The following PRRG2 variants were observed in gnomAD, a reference collection of about 807,000 sequenced individuals.
PRRG2 encodes the protein proline rich and Gla domain 2, also known as transmembrane gamma-carboxyglutamic acid protein 2.
In PRRG2, 23 loss-of-function variants were observed where a neutral mutation model predicts 27.1. That is an observed-to-expected ratio of 0.85 (90% CI 0.61 to 1.20). The LOEUF is 1.20. PRRG2 is among the 50% of genes most tolerant of loss of function. The pLI is 0.00. For missense variants in PRRG2, 276 were observed against 254.8 expected (o/e 1.08, Z -0.57); for synonymous variants, 104 against 103.4 (o/e 1.01, Z -0.03).
At chr19:49,585,841 A>G (rs964178733) in intron 4 of PRRG2, among the ~76,000 whole-genome samples, 4 of 151,918 alleles carry the variant, frequency 2.6e-5, no homozygotes, top group African/African-American at 9.7e-5. Flanking sequence ...GCACTTTGGG[A>G]GGCCGAGGCA....
chr19:49,585,752 G>A (rs1281275765), intron 4 of PRRG2, among the ~76,000 whole-genome samples: 3 of 151,832 alleles, frequency 2.0e-5, no homozygotes, highest in South Asian at 2.1e-4. Flanking sequence ...AGCAGAGATC[G>A]CACCATTGCA....
chr19:49,584,806 C>T (rs1260014426), intron 4 of PRRG2, among the ~76,000 whole-genome samples: 1 of 152,188 alleles, frequency 6.6e-6, no homozygotes, highest in East Asian at 1.9e-4. Context: ...GGAAAAGTGT[C>T]AGTGGAGGGA....
chr19:49,582,916 A>G (rs1254917108), intron 1 of PRRG2, among the ~76,000 whole-genome samples: 1 of 151,912 alleles, frequency 6.6e-6, no homozygotes, highest in Non-Finnish European at 1.5e-5. Context: ...CTGTAATCCC[A>G]GCTACTTGGT....
intron 5 of PRRG2, among the ~76,000 whole-genome samples, chr19:49,589,228 A>G (rs1411363589): frequency 6.7e-6 from 1 of 150,140 alleles, no homozygotes; most frequent in South Asian, 2.1e-4. Context: ...CCCGGGTTCA[A>G]GTGATTCTCC....
chr19:49,583,476 C>T, intron 2 of PRRG2, 66 bp from the exon 3 acceptor site: 1 of 1,571,404 alleles, frequency 6.4e-7, no homozygotes, highest in Non-Finnish European at 8.7e-7. Flanking sequence ...CCACTGCTTT[C>T]CATCCCCCTA....
rs2080646358 is a variant in PRRG2 at position 49,583,681 on chromosome 19, A to G, written c.225A>G (p.Glu75=). 6.2e-7 allele frequency: 1 copy of G among 1,614,170 alleles called. No individual in the cohort carries two copies. Among genetic ancestry groups the G allele is most frequent in the African/African-American group, 1.3e-5 (1 of 75,052 alleles). Reference sequence around the variant, plus strand: ...GTCTGGAAGAGAGGTGTTCCTGGGAAGAGGCCAGGGAGTATTTTGAGGACA... The same window carrying G: ...GTCTGGAAGAGAGGTGTTCCTGGGAGGAGGCCAGGGAGTATTTTGAGGACA... The part of the protein sequence containing the change: ...RECLEERCSW[E]EAREYFEDNT... Residue 75 remains glutamate (E), a synonymous_variant, in exon 3 of 7, where the codon GAA becomes GAG. Coordinates refer to ENST00000246794, the MANE Select transcript of PRRG2 (RefSeq NM_000951.3).
chr19:49,583,296 C>G lies in PRRG2; in HGVS notation c.77C>G (p.Thr26Arg), dbSNP rs2080642380. Residue 26 changes from threonine (T) to arginine (R), a missense_variant, in exon 2 of 7, where the codon ACA (threonine) becomes AGA (arginine). Transcript: ENST00000246794. ...CTGGATACTTCACCCAGTGAGGAGA[C>G]AGACCAAGGTGAGTGTTTGGGGGAA... ...TCLDTSPSEE[T>R]DQEVFLGPPE... 2 of 1,614,068 alleles carry G rather than the reference C, an allele frequency of 1.2e-6. No individual in the cohort carries two copies. The highest frequency in any genetic ancestry group is 1.3e-5 in the African/African-American group (1 of 75,050).
rs2080712546 is a variant in PRRG2, at chr19:49,590,482, C to T, written c.*93C>T. ...AGGCCTCATAGACGCCGAAGCTGGA[C>T]TTGGAGTGGGGAATGGTGGGAGTAG... On this transcript the variant is annotated 3_prime_UTR_variant, in exon 7 of 7. Transcript: ENST00000246794. 5.8e-6 allele frequency: 9 copies of T among 1,561,064 alleles called. No homozygotes were observed. In the South Asian group the frequency reaches 6.7e-5, roughly 12 times the overall value.
At chr19:49,590,315 A>AG (rs1276858996) in intron 6 of PRRG2, 56 bp from the exon 7 acceptor site, 1 of 1,612,874 alleles carries the variant, frequency 6.2e-7, no homozygotes, top group Non-Finnish European at 8.5e-7. Context: ...TCCTGGTTGA[A>AG]GGGGGGAGAA....
intron 6 of PRRG2, 136 bp from the exon 7 acceptor site, chr19:49,590,235 C>A: frequency 3.4e-6 from 5 of 1,457,808 alleles, no homozygotes; most frequent in Non-Finnish European, 4.8e-6. Flanking sequence ...TGTGTGGAGC[C>A]GTATAGGAGG....
At chr19:49,586,577 G>C (rs547212947) in intron 4 of PRRG2, among the ~76,000 whole-genome samples, 1 of 152,214 alleles carries the variant, frequency 6.6e-6, no homozygotes, top group Non-Finnish European at 1.5e-5. Context: ...TTCCAGCTGG[G>C]TGAGGTGGCT....
chr19:49,584,026 C>A, intron 4 of PRRG2, 74 bp downstream of exon 4: 1 of 1,429,720 alleles, frequency 7.0e-7, no homozygotes, highest in Admixed American at 2.1e-5. Flanking sequence ...AAACCAACGT[C>A]CTCCACCCCA....
rs916705532 is a variant in PRRG2, at chr19:49,590,088, A to G, written c.590+36A>G. On this transcript the variant is annotated intron_variant, in intron 6 of 6. Coordinates refer to ENST00000246794, the MANE Select transcript of PRRG2 (RefSeq NM_000951.3). ...TGGCTTCTGCCCGGGGGCGGGGCGC[A>G]GAGGGGTGGGCACGTTGGAGGAGGA... 9 of 1,446,090 alleles carry G rather than the reference A, an allele frequency of 6.2e-6. No homozygotes were observed. The African/African-American group carries it at 8.6e-5, about 14-fold the overall frequency. The allele number at this position is 1,446,090 out of a possible 1,614,324, so 89.6% of individuals were successfully genotyped here. A position where few individuals can be genotyped will look rare whatever the true frequency, so the allele number is the denominator to read the frequency against.
chr19:49,583,291 G>T lies in PRRG2; in HGVS notation c.72G>T (p.Glu24Asp). 1.2e-6 allele frequency: 2 copies of T among 1,614,108 alleles called. No homozygotes were observed. Among genetic ancestry groups the T allele is most frequent in the African/African-American group, 1.3e-5 (1 of 75,048 alleles). The stretch of plus-strand genomic sequence containing the variant: ...CCTGCCTGGATACTTCACCCAGTGA[G>T]GAGACAGACCAAGGTGAGTGTTTGG... The part of the protein sequence containing the change: ...LTTCLDTSPS[E>D]ETDQEVFLGP... Residue 24 changes from glutamate to aspartate, a missense_variant, in exon 2 of 7, where the codon GAG (glutamate) becomes GAT (aspartate). By Grantham distance (45) the Glu-to-Asp change is conservative (BLOSUM62 2). Transcript: ENST00000246794.
chr19:49,589,974 C>A lies in PRRG2; in HGVS notation c.512C>A (p.Pro171Gln). 1 of 1,543,892 alleles carries A rather than the reference C, an allele frequency of 6.5e-7. No homozygotes were observed. Among genetic ancestry groups the A allele is most frequent in the Non-Finnish European group, 8.7e-7 (1 of 1,148,828 alleles). Residue 171 changes from proline to glutamine, a missense_variant, in exon 6 of 7, where the codon CCA becomes CAA. Pro to Gln is a moderately conservative substitution (Grantham distance 76). Coordinates refer to ENST00000246794, the MANE Select transcript of PRRG2 (RefSeq NM_000951.3). ...PPTPLPPPPPPPPGLPTYEQA... is the reference protein window; with the variant it reads ...PPTPLPPPPPQPPGLPTYEQA... ...ACGCCCCTGCCTCCACCCCCACCCC[C>A]ACCCCCAGGCCTCCCCACCTATGAG...
In PRRG2 at chr19:49,588,500, G is replaced by T. The variant is rs538503371; in HGVS notation, c.305G>T (p.Arg102Leu). Reference sequence around the variant, plus strand: ...CCCCTTCCCTACTTTCCTGCAGGGCGTGGACGAGTGGATGTGGCCAGCCTG... The same window carrying T: ...CCCCTTCCCTACTTTCCTGCAGGGCTTGGACGAGTGGATGTGGCCAGCCTG... ...ESYIYNGKGG[R>L]GRVDVASLAV... The change falls in exon 5 of 7, where the codon CGT (arginine) becomes CTT (leucine). Residue 102 changes from arginine (R) to leucine (L), a missense_variant. Arg to Leu is a moderately radical substitution (Grantham distance 102). Transcript: ENST00000246794. The T allele has an allele frequency of 5.7e-6, 9 of 1,590,922 alleles. No homozygotes were observed. The highest frequency in any genetic ancestry group is 7.7e-6 in the Non-Finnish European group (9 of 1,169,186).
At chr19:49,588,661 G>A in intron 5 of PRRG2, 29 bp downstream of exon 5, 2 of 1,514,760 alleles carry the variant, frequency 1.3e-6, no homozygotes, top group Non-Finnish European at 1.8e-6. Flanking sequence ...GGAGGGGGTG[G>A]TGGTGGAGAG....
At chr19:49,588,424 T>C (rs2080688120) in intron 4 of PRRG2, 73 bp from the exon 5 acceptor site, 8 of 1,527,514 alleles carry the variant, frequency 5.2e-6, no homozygotes, top group Non-Finnish European at 7.0e-6. Flanking sequence ...CTTCCCTCAG[T>C]GGGAAGGAAT....
intron 5 of PRRG2, 101 bp downstream of exon 5, chr19:49,588,733 T>C: frequency 1.5e-6 from 2 of 1,360,024 alleles, no homozygotes; most frequent in Non-Finnish European, 1.9e-6. Flanking sequence ...AGGCAGGCAC[T>C]GATGAAAGAC....
Sources: gnomAD v4.1 joint callset for allele counts (sites outside exome capture counted in the v4.1 genomes callset) on GRCh38, gnomAD v4.1.1 for gene constraint, MANE v1.5 for transcripts, NCBI Gene and HGNC (gene_info 2026-07-23, HGNC 2026-07-21) for gene names.